Variants in HS6ST3 observed in about 807,000 individuals in gnomAD.
HS6ST3 encodes heparan sulfate 6-O-sulfotransferase 3.
In HS6ST3, 12 loss-of-function variants were observed where a neutral mutation model predicts 36.7. The ratio of observed to expected loss-of-function variants is 0.33; its 90% CI spans 0.21 to 0.53. The LOEUF is 0.53. Among genes scored for constraint, HS6ST3 ranks in the 20% least tolerant of loss-of-function variants. The pLI, the probability that HS6ST3 is intolerant of heterozygous loss-of-function variation, is 0.95. For missense variants in HS6ST3, 584 were observed against 640.9 expected, an observed-to-expected ratio of 0.91 and a Z score of 0.96; for synonymous variants, 240 against 257.5, an observed-to-expected ratio of 0.93 and a Z score of 0.65.
chr13:96,175,708 A>T (rs1367531319), intron 1 of HS6ST3, among the ~76,000 whole-genome samples: 1 of 152,108 alleles, frequency 6.6e-6, no homozygotes, highest in African/African-American at 2.4e-5. Flanking sequence ...AAAAAAAAAA[A>T]AAAATCTAAT....
At chr13:96,214,428 T>A (rs1225262139) in intron 1 of HS6ST3, among the ~76,000 whole-genome samples, 1 of 152,202 alleles carries the variant, frequency 6.6e-6, no homozygotes, top group East Asian at 1.9e-4. Context: ...CCCAGACTCC[T>A]GGAGTTCTAG....
intron 1 of HS6ST3, among the ~76,000 whole-genome samples, chr13:96,282,544 A>G (rs1350803414): frequency 6.6e-6 from 1 of 152,198 alleles, no homozygotes; most frequent in Non-Finnish European, 1.5e-5. Flanking sequence ...TTCTGTCCTC[A>G]TGCCATGGGA....
chr13:96,212,769 A>G (rs889717681), intron 1 of HS6ST3, among the ~76,000 whole-genome samples: 15 of 152,162 alleles, frequency 9.9e-5, no homozygotes, highest in African/African-American at 3.6e-4. Flanking sequence ...CTAGGGATAG[A>G]GGGCACTGAA....
chr13:96,327,134 G>A (rs1283879489), intron 1 of HS6ST3, among the ~76,000 whole-genome samples: 13 of 148,904 alleles, frequency 8.7e-5, no homozygotes, highest in African/African-American at 3.0e-4. Flanking sequence ...TAGGTTGCCT[G>A]TTCACTCTGA....
chr13:96,217,968 C>T (rs1314408610), intron 1 of HS6ST3, among the ~76,000 whole-genome samples: 1 of 152,124 alleles, frequency 6.6e-6, no homozygotes, highest in Non-Finnish European at 1.5e-5. Context: ...GTCTGGCACA[C>T]AGTAGGTGTT....
At chr13:96,175,858 G>C (rs911838095) in intron 1 of HS6ST3, among the ~76,000 whole-genome samples, 14 of 151,056 alleles carry the variant, frequency 9.3e-5, no homozygotes, top group African/African-American at 3.4e-4. Context: ...TTTTTGAGAC[G>C]GAGTCTTGCT....
chr13:96,355,370 C>T (rs1318386514), intron 1 of HS6ST3, among the ~76,000 whole-genome samples: 1 of 57,582 alleles, frequency 1.7e-5, no homozygotes, highest in Non-Finnish European at 3.3e-5. Context: ...CACACACACA[C>T]ACACACACAC....
intron 1 of HS6ST3, among the ~76,000 whole-genome samples, chr13:96,305,791 A>G (rs148641039): frequency 6.6e-6 from 1 of 150,434 alleles, no homozygotes; most frequent in Non-Finnish European, 1.5e-5. Context: ...TCAATTTGTT[A>G]CTTGCTTTGA....
intron 1 of HS6ST3, among the ~76,000 whole-genome samples, chr13:96,684,346 G>A (rs1874705951): frequency 6.6e-6 from 1 of 152,048 alleles, no homozygotes; most frequent in African/African-American, 2.4e-5. Flanking sequence ...AATGGGAGAT[G>A]TCTAATTTTT....
chr13:96,528,005 G>C (rs1158313617), intron 1 of HS6ST3, among the ~76,000 whole-genome samples: 1 of 152,154 alleles, frequency 6.6e-6, no homozygotes, highest in East Asian at 1.9e-4. Flanking sequence ...TGCCATTCAG[G>C]ACCAACACAC....
At chr13:96,342,203 T>C (rs2055134219) in intron 1 of HS6ST3, among the ~76,000 whole-genome samples, 1 of 152,240 alleles carries the variant, frequency 6.6e-6, no homozygotes, top group African/African-American at 2.4e-5. Flanking sequence ...TTGAGGTATC[T>C]ATGGGCAAAT....
In HS6ST3 at chr13:96,331,954, T is replaced by G. The variant is rs551200856; in HGVS notation, c.707+240385T>G. On this transcript the variant is annotated intron_variant, in intron 1 of 1. Transcript: ENST00000376705. The stretch of plus-strand genomic sequence containing the variant: ...GAGTGACCAGATTTTCCAGGTGCCG[T>G]CAGTCACCCCTTTCTTTGACTCGGA... Among the ~76,000 whole-genome samples the G allele has an allele frequency of 5.5e-4, 84 of 152,282 alleles. 1 individual carries two copies. The highest frequency in any genetic ancestry group is 2.0e-3 in the African/African-American group (83 of 41,552).
chr13:96,737,601 C>T (rs890844069), intron 1 of HS6ST3, among the ~76,000 whole-genome samples: 7 of 130,506 alleles, frequency 5.4e-5, no homozygotes, highest in African/African-American at 1.5e-4. Flanking sequence ...GTCCGCAGTC[C>T]GGCCTGGGCG....
At chr13:96,422,490 C>T (rs2055567012) in intron 1 of HS6ST3, among the ~76,000 whole-genome samples, 1 of 152,150 alleles carries the variant, frequency 6.6e-6, no homozygotes, top group African/African-American at 2.4e-5. Context: ...ACAGACTGGG[C>T]AGGGTGTTCA....
intron 1 of HS6ST3, among the ~76,000 whole-genome samples, chr13:96,400,313 A>ACACG (rs1555303018): frequency 7.2e-6 from 1 of 139,322 alleles, no homozygotes; most frequent in Non-Finnish European, 1.5e-5. Flanking sequence ...ACAGATACAC[A>ACACG]CACACACACA....
chr13:96,838,655 C>G lies in HS6ST3; in HGVS notation c.*5457C>G, dbSNP rs1164165111. 2 of 152,232 alleles carry G rather than the reference C, an allele frequency of 1.3e-5. No homozygotes were observed. Among genetic ancestry groups the G allele is most frequent in the African/African-American group, 2.4e-5 (1 of 41,450 alleles). 9.4% of individuals were successfully genotyped at this position (152,232 alleles called of 1,614,324 possible). The stretch of plus-strand genomic sequence containing the variant: ...CACTGGACATAAGCCAATGCCTGCT[C>G]TCTTCTCACCACATTCACCTGGACA... On this transcript the variant is annotated 3_prime_UTR_variant, in exon 2 of 2. Coordinates refer to ENST00000376705, the MANE Select transcript of HS6ST3 (RefSeq NM_153456.4).
intron 1 of HS6ST3, among the ~76,000 whole-genome samples, chr13:96,205,638 T>A (rs927990399): frequency 2.0e-5 from 3 of 152,176 alleles, no homozygotes; most frequent in Non-Finnish European, 4.4e-5. Context: ...ACGATCAAGT[T>A]GGCTTCATCC....
intron 1 of HS6ST3, among the ~76,000 whole-genome samples, chr13:96,400,282 CAT>C (rs1772872698): frequency 6.8e-6 from 1 of 147,990 alleles, no homozygotes; most frequent in Non-Finnish European, 1.5e-5. Flanking sequence ...CACAGACACA[CAT>C]ATAGACACAC....
chr13:96,404,134 G>A (rs1195249227), intron 1 of HS6ST3, among the ~76,000 whole-genome samples: 2 of 152,102 alleles, frequency 1.3e-5, no homozygotes, highest in African/African-American at 4.8e-5. Flanking sequence ...AAGTCCATAC[G>A]TTTTAACACT....
Sources: gnomAD v4.1 joint callset for allele counts (sites outside exome capture counted in the v4.1 genomes callset) on GRCh38, gnomAD v4.1.1 for gene constraint, MANE v1.5 for transcripts, NCBI Gene and HGNC (gene_info 2026-07-23, HGNC 2026-07-21) for gene names.